EGFLAM: variants seen among roughly 807,000 people sequenced by gnomAD.
EGFLAM encodes the protein pikachurin.
A neutral mutation model predicts 113.1 loss-of-function variants in EGFLAM; 79 were observed. The observed-to-expected ratio is 0.70, with a 90% CI of 0.58 to 0.84. EGFLAM has a LOEUF of 0.84. Among genes scored for constraint, EGFLAM ranks in the 40% least tolerant of loss-of-function variants. The pLI is 0.00. For synonymous variants in EGFLAM, 504 were observed against 487.6 expected (o/e 1.03, Z -0.44); for missense variants, 1,265 against 1,291.6 (o/e 0.98, Z 0.32).
intron 3 of EGFLAM, among the ~76,000 whole-genome samples, chr5:38,340,238 T>A (rs1338079103): frequency 6.6e-6 from 1 of 152,228 alleles, no homozygotes; most frequent in Non-Finnish European, 1.5e-5. Context: ...TTCTTCCATT[T>A]ACAGGTTGGG....
intron 11 of EGFLAM, among the ~76,000 whole-genome samples, chr5:38,414,287 C>T (rs1741574853): frequency 6.6e-6 from 1 of 152,144 alleles, no homozygotes; most frequent in Non-Finnish European, 1.5e-5. Flanking sequence ...AGTGCCAGGA[C>T]TATAGGTCTA....
intron 6 of EGFLAM, among the ~76,000 whole-genome samples, chr5:38,381,720 C>G (rs1740517542): frequency 6.6e-6 from 1 of 152,148 alleles, no homozygotes; most frequent in Admixed American, 6.5e-5. Context: ...GACTCTTTTT[C>G]CTCTCTCTTC....
intron 1 of EGFLAM, among the ~76,000 whole-genome samples, chr5:38,306,982 C>T (rs77482693): frequency 8.5e-5 from 13 of 152,274 alleles, no homozygotes; most frequent in East Asian, 5.8e-4. Flanking sequence ...GGATCGCTAG[C>T]CCCGGCTGAG....
At chr5:38,377,700 A>G (rs1049458293) in intron 6 of EGFLAM, among the ~76,000 whole-genome samples, 1 of 152,202 alleles carries the variant, frequency 6.6e-6, no homozygotes, top group African/African-American at 2.4e-5. Context: ...CAGAATTGCA[A>G]TGTGGTATAA....
At chr5:38,311,455 G>GT (rs1488372076) in intron 1 of EGFLAM, among the ~76,000 whole-genome samples, 5 of 152,080 alleles carry the variant, frequency 3.3e-5, no homozygotes, top group African/African-American at 9.7e-5. Context: ...TTGTCCTTCT[G>GT]TGCCTGGCTT....
chr5:38,463,737 C>T, intron 21 of EGFLAM, 95 bp from the exon 22 acceptor site: 1 of 1,493,396 alleles, frequency 6.7e-7, no homozygotes, highest in Non-Finnish European at 9.2e-7. Context: ...ATGCCTTGGC[C>T]AGCAGCCATT....
In EGFLAM at chr5:38,438,377, G is replaced by A; in HGVS notation, c.2386G>A (p.Gly796Arg). The A allele has an allele frequency of 6.2e-7, 1 of 1,613,992 alleles. No individual in the cohort carries two copies. The highest frequency in any genetic ancestry group is 2.2e-5 in the East Asian group (1 of 44,876). The change falls in exon 17 of 22, where the codon GGG becomes AGG. Residue 796 changes from glycine (G) to arginine (R), a missense_variant. Gly to Arg is a moderately radical substitution (Grantham distance 125). Transcript: ENST00000322350. ...CTGTGTGAGAGCCCCTTGTGCCCAT[G>A]GGGGCAGCTGCCGGCCCAGGAAGGA... is the stretch of plus-strand genomic sequence containing the variant. ...HPCVRAPCAH[G>R]GSCRPRKEGY...
chr5:38,463,269 G>A (rs952895754), intron 21 of EGFLAM, among the ~76,000 whole-genome samples: 2 of 152,150 alleles, frequency 1.3e-5, no homozygotes, highest in Non-Finnish European at 2.9e-5. Context: ...ACAGGAACCT[G>A]CTAAATATAG....
chr5:38,357,412 T>A (rs1739791361), intron 5 of EGFLAM, among the ~76,000 whole-genome samples: 1 of 151,956 alleles, frequency 6.6e-6, no homozygotes, highest in Admixed American at 6.6e-5. Flanking sequence ...ACCTAGTTTA[T>A]GGTATTCATT....
chr5:38,417,303 G>C (rs896176672), intron 11 of EGFLAM, among the ~76,000 whole-genome samples: 1 of 147,144 alleles, frequency 6.8e-6, no homozygotes, highest in African/African-American at 2.5e-5. Flanking sequence ...AGCCAGGATG[G>C]TGCCTTTGCA....
intron 19 of EGFLAM, among the ~76,000 whole-genome samples, chr5:38,457,028 G>A (rs1326780399): frequency 6.6e-6 from 1 of 152,192 alleles, no homozygotes; most frequent in Non-Finnish European, 1.5e-5. Context: ...GTAACAACAT[G>A]TTCATGTTTT....
chr5:38,295,631 A>G, intron 1 of EGFLAM, among the ~76,000 whole-genome samples: 1 of 152,336 alleles, frequency 6.6e-6, no homozygotes, highest in Admixed American at 6.5e-5. Flanking sequence ...ATGGATAGGT[A>G]GACCTTGATG....
intron 3 of EGFLAM, among the ~76,000 whole-genome samples, chr5:38,343,824 T>A (rs1376936751): frequency 2.6e-5 from 4 of 152,216 alleles, no homozygotes. Flanking sequence ...GAATCCAAGT[T>A]TACTAGCTAT....
chr5:38,450,673 T>C (rs2561808), intron 18 of EGFLAM, among the ~76,000 whole-genome samples: 36,233 of 152,218 alleles, frequency 0.24, 6,079 homozygotes, highest in African/African-American at 0.48. Flanking sequence ...GCTAAGAGCA[T>C]GTCAGCCTGT....
intron 11 of EGFLAM, among the ~76,000 whole-genome samples, chr5:38,415,473 AGC>A (rs1741612667): frequency 6.6e-6 from 1 of 152,186 alleles, no homozygotes; most frequent in Non-Finnish European, 1.5e-5. Context: ...ACTTGAACTC[AGC>A]CTAGCCTAGG....
At chr5:38,388,587 A>AAAATAT (rs1554010580) in intron 6 of EGFLAM, among the ~76,000 whole-genome samples, 3 of 150,724 alleles carry the variant, frequency 2.0e-5, no homozygotes, top group African/African-American at 7.4e-5. Context: ...CTACTAAAAA[A>AAAATAT]ATATATATAT....
At chr5:38,433,528 C>G (rs1742251559) in intron 15 of EGFLAM, among the ~76,000 whole-genome samples, 1 of 152,192 alleles carries the variant, frequency 6.6e-6, no homozygotes, top group African/African-American at 2.4e-5. Context: ...AGCTGCAGCC[C>G]TTCCACTTGT....
chr5:38,281,102 A>G (rs776871009), intron 1 of EGFLAM, among the ~76,000 whole-genome samples: 2 of 152,220 alleles, frequency 1.3e-5, no homozygotes, highest in Admixed American at 6.5e-5. Context: ...TAGAAGTTCT[A>G]TGAATAAGTT....
chr5:38,408,354 A>G (rs989286126), intron 9 of EGFLAM, among the ~76,000 whole-genome samples: 13 of 152,232 alleles, frequency 8.5e-5, no homozygotes, highest in Non-Finnish European at 1.3e-4. Flanking sequence ...GTGAGGGCCC[A>G]GTGGAGGTTC....
Sources: gnomAD v4.1 joint callset for allele counts (sites outside exome capture counted in the v4.1 genomes callset) on GRCh38, gnomAD v4.1.1 for gene constraint, MANE v1.5 for transcripts, NCBI Gene and HGNC (gene_info 2026-07-23, HGNC 2026-07-21) for gene names.